RABGEF1: variants seen among roughly 807,000 people sequenced by gnomAD.
RABGEF1 encodes RAB guanine nucleotide exchange factor 1.
A neutral mutation model predicts 57.3 loss-of-function variants in RABGEF1; 26 were observed. That is an observed-to-expected ratio of 0.45 (90% CI 0.33 to 0.63). RABGEF1 has a LOEUF of 0.63. Ranked by LOEUF, RABGEF1 falls within the 20% of genes least tolerant of loss-of-function variation. RABGEF1 has a pLI of 0.02. For synonymous variants in RABGEF1, 185 were observed against 210.7 expected (o/e 0.88, Z 1.06); for missense variants, 464 against 607.6 (o/e 0.76, Z 2.48).
At chr7:66,743,954 C>T (rs916362078) in intron 1 of RABGEF1, among the ~76,000 whole-genome samples, 1 of 152,056 alleles carries the variant, frequency 6.6e-6, no homozygotes, top group African/African-American at 2.4e-5. Context: ...TTATGTAACT[C>T]TTACACACAG....
chr7:66,703,012 C>T lies in RABGEF1; in HGVS notation c.-872-9155C>T, dbSNP rs143596123. 3.1e-3 allele frequency among the ~76,000 whole-genome samples: 475 copies of T among 152,170 alleles called. 1 individual carries two copies. Among genetic ancestry groups the T allele is most frequent in the Non-Finnish European group, 3.9e-3 (265 of 68,020 alleles). On this transcript the variant is annotated intron_variant and NMD_transcript_variant, in intron 1 of 9. Transcript: ENST00000607882. The stretch of plus-strand genomic sequence containing the variant: ...TTGAGAAGGAGTCTCGCTCTGTCGC[C>T]GCCCAGGCTGGAGGGCAGTGGTGCT...
At chr7:66,690,952 G>A (rs1260944382) in intron 1 of RABGEF1, among the ~76,000 whole-genome samples, 1 of 151,696 alleles carries the variant, frequency 6.6e-6, no homozygotes, top group Non-Finnish European at 1.5e-5. Context: ...TTAGCCGAGT[G>A]TGGTGGGGAG....
At chr7:66,762,988 C>T (rs756438192) in intron 1 of RABGEF1, among the ~76,000 whole-genome samples, 6 of 152,180 alleles carry the variant, frequency 3.9e-5, no homozygotes, top group Non-Finnish European at 7.4e-5. Context: ...CAGTTTAAAA[C>T]ACTCATTTAT....
chr7:66,673,898 A>T, the RABGEF1 span, among the ~76,000 whole-genome samples: 1 of 152,164 alleles, frequency 6.6e-6, no homozygotes, highest in Admixed American at 6.5e-5. Flanking sequence ...AAGAAAAAAA[A>T]TCTGAAAAGT....
chr7:66,782,765 G>A (rs758980884), intron 3 of RABGEF1, among the ~76,000 whole-genome samples: 44 of 151,738 alleles, frequency 2.9e-4, no homozygotes, highest in Non-Finnish European at 5.4e-4. Flanking sequence ...CAGCCTGGGC[G>A]ACAGAGCAAG....
chr7:66,738,976 G>A (rs1258089096), upstream of RABGEF1, among the ~76,000 whole-genome samples: 2 of 151,946 alleles, frequency 1.3e-5, no homozygotes, highest in Non-Finnish European at 2.9e-5. Context: ...TTTTGAGGAG[G>A]AGTTTCACTC....
the RABGEF1 span, among the ~76,000 whole-genome samples, chr7:66,660,495 C>G: frequency 6.6e-6 from 1 of 151,730 alleles, no homozygotes. Flanking sequence ...AAACACAAAG[C>G]CTACCAAGAC....
chr7:66,696,708 A>AAAAAG (rs1562705936), intron 1 of RABGEF1, among the ~76,000 whole-genome samples: 2 of 144,616 alleles, frequency 1.4e-5, no homozygotes, highest in African/African-American at 2.5e-5. Flanking sequence ...AAAAAAAAAA[A>AAAAAG]AAAAGAAAAA....
intron 1 of RABGEF1, among the ~76,000 whole-genome samples, chr7:66,754,965 A>C (rs764872057): frequency 6.6e-6 from 1 of 152,102 alleles, no homozygotes; most frequent in Admixed American, 6.6e-5. Context: ...GCTTGAGGCC[A>C]GGAGTTCGAG....
At chr7:66,764,957 A>C (rs908641061) in intron 1 of RABGEF1, among the ~76,000 whole-genome samples, 2 of 152,132 alleles carry the variant, frequency 1.3e-5, no homozygotes, top group Non-Finnish European at 2.9e-5. Flanking sequence ...TATCTTCTGC[A>C]TTTTAGAGTT....
In RABGEF1 at chr7:66,809,015, G is replaced by A; in HGVS notation, c.1207G>A (p.Ala403Thr). The change falls in exon 9 of 9, where the codon GCT (alanine) becomes ACT (threonine). Residue 403 changes from alanine to threonine, a missense_variant. Physicochemically the swap from Ala to Thr is moderately conservative, Grantham distance 58 (BLOSUM62 0). Coordinates refer to ENST00000284957, the MANE Select transcript of RABGEF1 (RefSeq NM_014504.3). ...KQEAESWSPD[A>T]CLGVKQMYKN... ...AGAAGCTGAGAGTTGGTCTCCTGAT[G>A]CTTGCTTAGGCGTCAAGCAAATGTA... The A allele has an allele frequency of 6.2e-7, 1 of 1,614,160 alleles. No homozygotes were observed. The highest frequency in any genetic ancestry group is 8.5e-7 in the Non-Finnish European group (1 of 1,180,038).
At chr7:66,766,212 T>C (rs1218612423) in intron 1 of RABGEF1, among the ~76,000 whole-genome samples, 5 of 150,654 alleles carry the variant, frequency 3.3e-5, no homozygotes, top group Non-Finnish European at 5.9e-5. Context: ...GGTGGCTGAG[T>C]GGTGGAGTAT....
intron 6 of RABGEF1, among the ~76,000 whole-genome samples, chr7:66,798,316 G>A (rs1325473118): frequency 1.3e-5 from 2 of 152,208 alleles, no homozygotes; most frequent in Non-Finnish European, 2.9e-5. Context: ...GACCACCCAA[G>A]TGTGGGAACA....
At chr7:66,781,094 A>G (rs932325009) in intron 3 of RABGEF1, among the ~76,000 whole-genome samples, 1 of 151,636 alleles carries the variant, frequency 6.6e-6, no homozygotes, top group Non-Finnish European at 1.5e-5. Flanking sequence ...ATTTATCCCA[A>G]CTTGTCTTAG....
intron 2 of RABGEF1, 137 bp from the exon 3 acceptor site, chr7:66,775,090 A>C (rs1808213096): frequency 8.9e-6 from 8 of 895,802 alleles, no homozygotes; most frequent in Non-Finnish European, 1.3e-5. Context: ...GCAATGTGAG[A>C]CCTCAGACTG....
intron 7 of RABGEF1, among the ~76,000 whole-genome samples, chr7:66,801,616 A>G (rs902320132): frequency 7.2e-5 from 11 of 152,172 alleles, no homozygotes; most frequent in African/African-American, 1.9e-4. Flanking sequence ...GCTCCCACCA[A>G]TGAGTGAGAA....
intron 1 of RABGEF1, among the ~76,000 whole-genome samples, chr7:66,751,001 C>T (rs1447860614): frequency 6.6e-6 from 1 of 151,076 alleles, no homozygotes; most frequent in Non-Finnish European, 1.5e-5. Context: ...AGTTGAAATT[C>T]TTAATCTTTT....
chr7:66,669,655 A>G, the RABGEF1 span: 1 of 152,182 alleles, frequency 6.6e-6, no homozygotes, highest in African/African-American at 2.4e-5. Flanking sequence ...AATGAGGCCC[A>G]CAGAGCTCTG....
chr7:66,802,297 TA>T (rs745997383), intron 7 of RABGEF1, among the ~76,000 whole-genome samples: 15 of 152,186 alleles, frequency 9.9e-5, no homozygotes, highest in Non-Finnish European at 1.9e-4. Context: ...GATGGTTCCC[TA>T]CAACAAAGAA....
Sources: allele counts gnomAD v4.1 joint callset (sites outside exome capture counted in the v4.1 genomes callset), GRCh38; gene constraint gnomAD v4.1.1; transcripts MANE v1.5; gene names NCBI Gene and HGNC (gene_info 2026-07-23, HGNC 2026-07-21).